Variants in SNTG2 observed in about 807,000 individuals in gnomAD.
The protein encoded by SNTG2 is gamma-2-syntrophin.
SNTG2 carries 74 observed loss-of-function variants against 70.9 expected under a neutral mutation model. The observed-to-expected ratio is 1.04, with a 90% CI of 0.86 to 1.27. The LOEUF is 1.27. Among genes scored for constraint, SNTG2 ranks in the 50% most tolerant of loss-of-function variants. The probability of loss-of-function intolerance (pLI) is 0.00; values close to 1 mark genes in which losing one functional copy is unlikely to be tolerated. For missense variants in SNTG2, 717 were observed against 690.7 expected, an observed-to-expected ratio of 1.04 and a Z score of -0.43; for synonymous variants, 278 against 273.8, an observed-to-expected ratio of 1.02 and a Z score of -0.15.
intron 1 of SNTG2, among the ~76,000 whole-genome samples, chr2:1,056,864 A>G (rs1572325038): frequency 2.1e-5 from 1 of 47,868 alleles, no homozygotes; most frequent in Non-Finnish European, 3.6e-5. Flanking sequence ...AGAGAGGGAG[A>G]GCACGGCGCC....
At chr2:1,030,999 G>C (rs1660784587) in intron 1 of SNTG2, among the ~76,000 whole-genome samples, 1 of 152,156 alleles carries the variant, frequency 6.6e-6, no homozygotes, top group African/African-American at 2.4e-5. Flanking sequence ...AGTTAGACAG[G>C]TTCTTAAGTA....
intron 1 of SNTG2, among the ~76,000 whole-genome samples, chr2:1,063,556 C>G (rs1662961364): frequency 6.6e-6 from 1 of 152,214 alleles, no homozygotes; most frequent in African/African-American, 2.4e-5. Flanking sequence ...TCAGAGTGCT[C>G]CTGAAGAGAC....
intron 1 of SNTG2, among the ~76,000 whole-genome samples, chr2:998,946 TATAAAG>T (rs1382168457): frequency 1.3e-5 from 2 of 152,110 alleles, no homozygotes; most frequent in East Asian, 1.9e-4. Context: ...TCAATGGACT[TATAAAG>T]AGAAACCTCA....
rs1659931174 is a variant in SNTG2, at chr2:950,918, G to T, written c.-79G>T. On this transcript the variant is annotated 5_prime_UTR_variant, in exon 1 of 17. Transcript: ENST00000308624. ...CGCGGGCGCGGACGCGGCGCCTGGC[G>T]GGGCCCTGGGAGGCTCGGACGGGGT... 1.3e-5 allele frequency: 9 copies of T among 691,252 alleles called. No homozygotes were observed. The South Asian group carries it at 6.2e-4, about 48-fold the overall frequency. The allele number at this position is 691,252 out of a possible 1,614,324, so 42.8% of individuals were successfully genotyped here. A position where few individuals can be genotyped will look rare whatever the true frequency, so the allele number is the denominator to read the frequency against.
chr2:1,217,375 A>T (rs1265208586), intron 9 of SNTG2, among the ~76,000 whole-genome samples: 1 of 152,238 alleles, frequency 6.6e-6, no homozygotes, highest in African/African-American at 2.4e-5. Context: ...GTCATTGTGA[A>T]TGAGGATTAA....
At chr2:1,259,239 C>G (rs1678286200) in intron 12 of SNTG2, 131 bp from the exon 13 acceptor site, 1 of 729,942 alleles carries the variant, frequency 1.4e-6, no homozygotes, top group African/African-American at 1.8e-5. Context: ...TTTAATGTTA[C>G]CAATTTATAC....
At chr2:1,114,360 T>A (rs1333694809) in intron 4 of SNTG2, among the ~76,000 whole-genome samples, 3 of 151,624 alleles carry the variant, frequency 2.0e-5, no homozygotes, top group Non-Finnish European at 4.4e-5. Flanking sequence ...TTGAGGAGGA[T>A]CCTGTGTGCT....
intron 1 of SNTG2, among the ~76,000 whole-genome samples, chr2:1,002,814 A>G (rs944901835): frequency 6.6e-6 from 1 of 151,770 alleles, no homozygotes. Context: ...TTACTGTGGC[A>G]CTATTCACAG....
In SNTG2 at chr2:1,098,414, A is replaced by T. The variant is rs752143501; in HGVS notation, c.325+4A>T. 2 of 1,613,976 alleles carry T rather than the reference A, an allele frequency of 1.2e-6. No homozygotes were observed. Among genetic ancestry groups the T allele is most frequent in the South Asian group, 2.2e-5 (2 of 91,080 alleles). On this transcript the variant is annotated splice_donor_region_variant and intron_variant, in intron 4 of 16. Transcript: ENST00000308624. ...AAAATATTCGAAGACCAAGCAGGTAAAAACAGCCAAAATGACCTGTGTATG... is the reference window on the plus strand; with the variant it reads ...AAAATATTCGAAGACCAAGCAGGTATAAACAGCCAAAATGACCTGTGTATG...
chr2:956,154 GCCCCTGCCCTGCACCTA>G (rs1239522825), intron 1 of SNTG2, among the ~76,000 whole-genome samples: 2 of 34,468 alleles, frequency 5.8e-5, no homozygotes, highest in South Asian at 1.2e-3. Flanking sequence ...CCCCGCCCCT[GCCCCTGCCCTGCACCTA>G]CCCCTGCCCT....
chr2:978,487 G>T (rs1328543763), intron 1 of SNTG2, among the ~76,000 whole-genome samples: 1 of 151,954 alleles, frequency 6.6e-6, no homozygotes, highest in East Asian at 1.9e-4. Context: ...GAATTTTGGG[G>T]GATGCCATAA....
intron 1 of SNTG2, among the ~76,000 whole-genome samples, chr2:995,953 C>A (rs898178491): frequency 6.6e-6 from 1 of 152,140 alleles, no homozygotes; most frequent in African/African-American, 2.4e-5. Context: ...AATAGAATTT[C>A]TGGTTTTAAA....
At chr2:1,178,885 C>T (rs900664926) in intron 8 of SNTG2, among the ~76,000 whole-genome samples, 28 of 152,182 alleles carry the variant, frequency 1.8e-4, no homozygotes, top group Admixed American at 1.6e-3. Flanking sequence ...ATGGTACCAG[C>T]TCCTCCTTGT....
chr2:978,990 G>A (rs1661004492), intron 1 of SNTG2, among the ~76,000 whole-genome samples: 1 of 152,250 alleles, frequency 6.6e-6, no homozygotes, highest in African/African-American at 2.4e-5. Flanking sequence ...TCCCTGCGTT[G>A]AGGATTGGAT....
intron 9 of SNTG2, among the ~76,000 whole-genome samples, chr2:1,223,314 C>A (rs1374207679): frequency 6.7e-6 from 1 of 150,102 alleles, no homozygotes; most frequent in South Asian, 2.1e-4. Context: ...GGTGCTGGAT[C>A]GCTGTAGAGG....
chr2:994,200 G>A (rs1013455701), intron 1 of SNTG2, among the ~76,000 whole-genome samples: 8 of 151,894 alleles, frequency 5.3e-5, no homozygotes, highest in East Asian at 1.9e-4. Flanking sequence ...AAATATAAAC[G>A]TATTTATTTT....
intron 9 of SNTG2, among the ~76,000 whole-genome samples, chr2:1,213,244 T>C (rs1403235934): frequency 6.6e-6 from 1 of 152,214 alleles, no homozygotes; most frequent in Non-Finnish European, 1.5e-5. Flanking sequence ...AAATCTACTC[T>C]TTTAGCAATT....
At chr2:1,141,983 A>T (rs28460632) in intron 6 of SNTG2, among the ~76,000 whole-genome samples, 150,365 of 152,258 alleles carry the variant, frequency 0.99, 74,275 homozygotes, top group East Asian at 1. Context: ...CCACTCATAG[A>T]TGTGAATCTC....
chr2:1,261,104 T>A (rs1678391878), intron 13 of SNTG2, among the ~76,000 whole-genome samples: 1 of 152,060 alleles, frequency 6.6e-6, no homozygotes, highest in Non-Finnish European at 1.5e-5. Context: ...GGGTAAATAA[T>A]AATAAATCTA....
Sources: allele counts gnomAD v4.1 joint callset (sites outside exome capture counted in the v4.1 genomes callset), GRCh38; gene constraint gnomAD v4.1.1; transcripts MANE v1.5; gene names NCBI Gene and HGNC (gene_info 2026-07-23, HGNC 2026-07-21).